Variants in ARHGEF10L observed in about 807,000 individuals in gnomAD.
The protein encoded by ARHGEF10L is rho guanine nucleotide exchange factor 10-like protein.
ARHGEF10L carries 69 observed loss-of-function variants against 141.2 expected under a neutral mutation model. That is an observed-to-expected ratio of 0.49 (90% CI 0.40 to 0.60). The LOEUF is 0.60. Ranked by LOEUF, ARHGEF10L falls within the 20% of genes least tolerant of loss-of-function variation. The pLI is 0.00. For synonymous variants in ARHGEF10L, 711 were observed against 718.5 expected (o/e 0.99, Z 0.17); for missense variants, 1,482 against 1,734.3 (o/e 0.85, Z 2.58).
At chr1:17,602,317 C>T (rs562974269) in intron 5 of ARHGEF10L, 99 bp downstream of exon 5, 24 of 1,383,336 alleles carry the variant, frequency 1.7e-5, no homozygotes, top group East Asian at 2.5e-5. Context: ...TCCTGTGAGC[C>T]CAGGGTTCAT....
At chr1:17,694,549 A>G (rs539144166) in intron 27 of ARHGEF10L, 1 of 231,344 alleles carries the variant, frequency 4.3e-6, no homozygotes, top group Non-Finnish European at 8.6e-6. Context: ...CTGGACTGGC[A>G]TCAGAAACAT....
intron 22 of ARHGEF10L, among the ~76,000 whole-genome samples, chr1:17,650,997 A>G (rs922124481): frequency 3.3e-5 from 5 of 152,232 alleles, no homozygotes; most frequent in African/African-American, 1.2e-4. Flanking sequence ...CTCTTGATAC[A>G]TAAAGGGCCA....
At chr1:17,610,288 G>C (rs1265001923) in intron 7 of ARHGEF10L, among the ~76,000 whole-genome samples, 1 of 152,214 alleles carries the variant, frequency 6.6e-6, no homozygotes, top group Non-Finnish European at 1.5e-5. Context: ...GGGGCCCACA[G>C]AGCACTCCAA....
the ARHGEF10L span, among the ~76,000 whole-genome samples, chr1:17,527,795 G>C: frequency 1.3e-5 from 2 of 151,938 alleles, no homozygotes; most frequent in South Asian, 4.2e-4. Flanking sequence ...ATTCACTGAG[G>C]GGGTAGGTGA....
intron 14 of ARHGEF10L, among the ~76,000 whole-genome samples, chr1:17,626,654 A>G (rs2060402771): frequency 6.6e-6 from 1 of 152,184 alleles, no homozygotes; most frequent in South Asian, 2.1e-4. Flanking sequence ...TTTATTTACC[A>G]TCATAACCAT....
Position 17,644,656 on chromosome 1 carries a change from G to A in ARHGEF10L, c.2273-3898G>A, listed in dbSNP as rs889631352. 1.3e-5 allele frequency among the ~76,000 whole-genome samples: 2 copies of A among 152,156 alleles called. No homozygotes were observed. Among genetic ancestry groups the A allele is most frequent in the Admixed American group, 1.3e-4 (2 of 15,282 alleles). ...AGCGGTATCTTGAAGGTGGCTTTAA[G>A]TTTGGGAAGTTCGGGAAGAGCAGTA... On this transcript the variant is annotated intron_variant, in intron 21 of 28. Transcript: ENST00000361221. The surrounding 1 kb of genome is among the most constrained non-coding windows in gnomAD (Gnocchi z 4.5).
intron 4 of ARHGEF10L, among the ~76,000 whole-genome samples, chr1:17,600,007 C>T (rs575940268): frequency 2.6e-4 from 39 of 152,342 alleles, no homozygotes; most frequent in African/African-American, 8.9e-4. Flanking sequence ...CCACCACCAC[C>T]GCTCTGCTTA....
chr1:17,599,950 G>A (rs552800944), intron 4 of ARHGEF10L, among the ~76,000 whole-genome samples: 5 of 152,304 alleles, frequency 3.3e-5, no homozygotes, highest in African/African-American at 4.8e-5. Context: ...CAATAGCCAC[G>A]TGGCTGGTGG....
At chr1:17,590,674 T>C (rs1239215603) in intron 4 of ARHGEF10L, among the ~76,000 whole-genome samples, 1 of 152,066 alleles carries the variant, frequency 6.6e-6, no homozygotes, top group Non-Finnish European at 1.5e-5. Flanking sequence ...CTGTGTTCCA[T>C]GGAAGCAAGG....
the ARHGEF10L span, among the ~76,000 whole-genome samples, chr1:17,527,870 C>CTT: frequency 4.5e-3 from 94 of 21,024 alleles, no homozygotes; most frequent in African/African-American, 8.2e-3. Flanking sequence ...TCTTTCTTTT[C>CTT]TTTTTTTTTT....
rs1439611151 is a variant in ARHGEF10L, at chr1:17,539,862, G to A, written c.-132G>A. ...GCCGTCCCGGCCATGGGCGCCCGCGGCGGCCTGCGGAGCTGGAGGCGCGGC... is the reference window on the plus strand; with the variant it reads ...GCCGTCCCGGCCATGGGCGCCCGCGACGGCCTGCGGAGCTGGAGGCGCGGC... On this transcript the variant is annotated 5_prime_UTR_variant, in exon 1 of 29. Transcript: ENST00000361221. This position sits in a 1 kb window ranked among gnomAD's most constrained non-coding sequence, Gnocchi z 6.0. 6.0e-4 allele frequency: 89 copies of A among 148,882 alleles called. 2 individuals carry two copies. The South Asian group carries it at 0.017, about 28-fold the overall frequency. 9.2% of individuals were successfully genotyped at this position (148,882 alleles called of 1,614,324 possible).
intron 11 of ARHGEF10L, among the ~76,000 whole-genome samples, chr1:17,622,471 C>T (rs956800703): frequency 5.9e-5 from 9 of 152,078 alleles, no homozygotes; most frequent in Admixed American, 2.0e-4. Flanking sequence ...GTGACTTTTC[C>T]GGGCGGTTGT....
intron 14 of ARHGEF10L, 53 bp downstream of exon 14, chr1:17,626,101 G>A: frequency 6.5e-7 from 1 of 1,545,394 alleles, no homozygotes; most frequent in Non-Finnish European, 8.9e-7. Flanking sequence ...CTGTGGGCTG[G>A]GAGGTGCCTC....
At chr1:17,695,067 C>G (rs1389775034) in intron 27 of ARHGEF10L, 91 bp from the exon 28 acceptor site, 1 of 1,581,206 alleles carries the variant, frequency 6.3e-7, no homozygotes, top group South Asian at 1.1e-5. Flanking sequence ...GGGGAGGAGC[C>G]CGCTGTGCCA....
In ARHGEF10L at chr1:17,627,197, A is replaced by G. The variant is rs2060435179; in HGVS notation, c.1411-133A>G. ...GAGGTCTTGTTCTGCATCTGGTGCC[A>G]TCTGTCCTGGCCTCAGGCCGGGCCC... On this transcript the variant is annotated intron_variant, in intron 14 of 28. Coordinates refer to ENST00000361221, the MANE Select transcript of ARHGEF10L (RefSeq NM_018125.4). The surrounding 1 kb of genome is among the most constrained non-coding windows in gnomAD (Gnocchi z 4.0). The G allele has an allele frequency of 4.0e-6, 4 of 992,812 alleles. No individual in the cohort carries two copies. Among genetic ancestry groups the G allele is most frequent in the Non-Finnish European group, 5.9e-6 (4 of 673,232 alleles). The allele number at this position is 992,812 out of a possible 1,614,324, so 61.5% of individuals were successfully genotyped here.
the ARHGEF10L span, among the ~76,000 whole-genome samples, chr1:17,521,267 G>T: frequency 6.6e-6 from 1 of 152,192 alleles, no homozygotes; most frequent in Non-Finnish European, 1.5e-5. Context: ...CATGATCTGG[G>T]CTTACCACAA....
chr1:17,652,178 C>A (rs960300933), intron 22 of ARHGEF10L, among the ~76,000 whole-genome samples: 3 of 152,174 alleles, frequency 2.0e-5, no homozygotes, highest in African/African-American at 4.8e-5. Context: ...ACAGGGTCGG[C>A]ACTCTGTACC....
In ARHGEF10L at chr1:17,615,930, C is replaced by T. The variant is rs747277615; in HGVS notation, c.727-164C>T. ...GGGAGATCCCCGGGCATGAACGCAC[C>T]TTCTCACCCCCACTGTCGTCCTTGG... On this transcript the variant is annotated intron_variant, in intron 8 of 28. Coordinates refer to ENST00000361221, the MANE Select transcript of ARHGEF10L (RefSeq NM_018125.4). The surrounding 1 kb of genome is among the most constrained non-coding windows in gnomAD (Gnocchi z 4.7). 6.2e-5 allele frequency: 39 copies of T among 630,234 alleles called. No individual in the cohort carries two copies. Among genetic ancestry groups the T allele is most frequent in the Middle Eastern group, 3.6e-4 (1 of 2,756 alleles). The allele number at this position is 630,234 out of a possible 1,614,324, so 39.0% of individuals were successfully genotyped here.
Position 17,627,589 on chromosome 1 carries a change from CT to C in ARHGEF10L, c.1584+87del. 1 of 1,468,352 alleles carries C rather than the reference CT, an allele frequency of 6.8e-7. No individual in the cohort carries two copies. The highest frequency in any genetic ancestry group is 2.0e-5 in the Admixed American group (1 of 50,014). 91.0% of individuals were successfully genotyped at this position (1,468,352 alleles called of 1,614,324 possible). ...GTGCCCCTGCCCCACGCCACCCACA[CT>C]AGGTGGCAGTGTTCTCTGAGGGAGG... On this transcript the variant is annotated intron_variant, in intron 15 of 28. Transcript: ENST00000361221. This position sits in a 1 kb window ranked among gnomAD's most constrained non-coding sequence, Gnocchi z 4.0.
Sources: allele counts gnomAD v4.1 joint callset (sites outside exome capture counted in the v4.1 genomes callset), GRCh38; gene constraint gnomAD v4.1.1; non-coding constraint Gnocchi (gnomAD v3.1); transcripts MANE v1.5; gene names NCBI Gene and HGNC (gene_info 2026-07-23, HGNC 2026-07-21).